The following MDGA2 variants were observed in gnomAD, a reference collection of about 807,000 sequenced individuals.
MDGA2 encodes MAM domain-containing glycosylphosphatidylinositol anchor protein 2.
MDGA2 carries 40 observed loss-of-function variants against 117.8 expected under a neutral mutation model. The observed-to-expected ratio is 0.34, with a 90% CI of 0.26 to 0.44. The LOEUF (loss-of-function observed/expected upper bound fraction) is 0.44, where lower values mean the gene tolerates loss of function less well. MDGA2 is among the 20% of genes least tolerant of loss of function. The pLI is 1.00. For missense variants in MDGA2, 1,123 were observed against 1,250.6 expected (o/e 0.90, Z 1.54); for synonymous variants, 452 against 439.0 (o/e 1.03, Z -0.37).
chr14:47,448,477 C>T (rs1166985569), intron 1 of MDGA2, among the ~76,000 whole-genome samples: 3 of 151,990 alleles, frequency 2.0e-5, no homozygotes, highest in Non-Finnish European at 4.4e-5. Flanking sequence ...CAATCAACAA[C>T]CTTTTAATAC....
At chr14:47,612,419 C>T (rs1254983960) in intron 1 of MDGA2, among the ~76,000 whole-genome samples, 3 of 152,006 alleles carry the variant, frequency 2.0e-5, no homozygotes, top group Non-Finnish European at 4.4e-5. Flanking sequence ...TCTAATACTT[C>T]AAAATGTTTT....
At chr14:47,096,797 G>T in intron 6 of MDGA2, 57 bp downstream of exon 6, 2 of 1,546,952 alleles carry the variant, frequency 1.3e-6, no homozygotes, top group African/African-American at 1.4e-5. Flanking sequence ...ACCATTATTT[G>T]CTTTTTGAGA....
chr14:47,361,135 G>T (rs868563074), intron 1 of MDGA2, among the ~76,000 whole-genome samples: 4 of 151,656 alleles, frequency 2.6e-5, no homozygotes, highest in Non-Finnish European at 4.4e-5. Context: ...TAATTTGCTT[G>T]CCAGTAGTAA....
rs1883342492 is a variant in MDGA2, at chr14:46,902,827, C to CA, written c.2238+17184dup. 2.0e-5 allele frequency among the ~76,000 whole-genome samples: 3 copies of CA among 152,154 alleles called. No individual in the cohort carries two copies. The South Asian group carries it at 6.2e-4, about 32-fold the overall frequency. On this transcript the variant is annotated intron_variant, in intron 10 of 16. Coordinates refer to ENST00000399232, the MANE Select transcript of MDGA2 (RefSeq NM_001113498.3). The stretch of plus-strand genomic sequence containing the variant: ...TCAAGATTTACACTACTTAATGTGA[C>CA]AATGCTTCATTTGCTATAATTTCTA...
chr14:47,350,117 C>G (rs1173838113), intron 1 of MDGA2, among the ~76,000 whole-genome samples: 1 of 152,192 alleles, frequency 6.6e-6, no homozygotes, highest in East Asian at 1.9e-4. Flanking sequence ...CAACGATGTT[C>G]TGGAAATCTT....
intron 1 of MDGA2, among the ~76,000 whole-genome samples, chr14:47,473,357 A>G (rs1363993224): frequency 6.6e-6 from 1 of 152,188 alleles, no homozygotes; most frequent in Non-Finnish European, 1.5e-5. Context: ...TACATAAACT[A>G]TAACAATACT....
intron 4 of MDGA2, among the ~76,000 whole-genome samples, chr14:47,142,827 T>C (rs1430123589): frequency 6.6e-6 from 1 of 152,186 alleles, no homozygotes; most frequent in Non-Finnish European, 1.5e-5. Context: ...TACTATGTTA[T>C]GGTGAACTGA....
intron 2 of MDGA2, among the ~76,000 whole-genome samples, chr14:47,261,815 A>G (rs1887805655): frequency 1.3e-5 from 2 of 152,144 alleles, no homozygotes. Flanking sequence ...ATGGAGATAA[A>G]TGAGTGTAAA....
At chr14:47,161,506 T>C (rs1387575884) in intron 3 of MDGA2, among the ~76,000 whole-genome samples, 1 of 151,812 alleles carries the variant, frequency 6.6e-6, no homozygotes, top group East Asian at 1.9e-4. Flanking sequence ...TGTAAGGTTA[T>C]ATATATATTT....
intron 10 of MDGA2, among the ~76,000 whole-genome samples, chr14:46,898,359 G>T (rs962821995): frequency 6.6e-6 from 1 of 151,934 alleles, no homozygotes; most frequent in Non-Finnish European, 1.5e-5. Flanking sequence ...AGAAATTATT[G>T]ATTAATTGGA....
At chr14:46,917,677 G>T (rs533169226) in intron 10 of MDGA2, among the ~76,000 whole-genome samples, 2 of 152,050 alleles carry the variant, frequency 1.3e-5, no homozygotes, top group Non-Finnish European at 2.9e-5. Context: ...TTTTCAAAAG[G>T]AACAATACAA....
At chr14:47,385,810 G>C (rs752861324) in intron 1 of MDGA2, among the ~76,000 whole-genome samples, 2 of 152,158 alleles carry the variant, frequency 1.3e-5, no homozygotes, top group Non-Finnish European at 2.9e-5. Context: ...AGGAAAGTCG[G>C]TGATGATAGC....
chr14:46,911,409 C>A (rs1482821109), intron 10 of MDGA2, among the ~76,000 whole-genome samples: 1 of 152,166 alleles, frequency 6.6e-6, no homozygotes, highest in Non-Finnish European at 1.5e-5. Flanking sequence ...TCATGTCAAA[C>A]ATTTATTATT....
chr14:47,091,737 A>C (rs1033417947), intron 6 of MDGA2, among the ~76,000 whole-genome samples: 1 of 145,956 alleles, frequency 6.9e-6, no homozygotes, highest in Non-Finnish European at 1.5e-5. Flanking sequence ...AGTTCTAGTC[A>C]ATAGACTGAC....
chr14:47,597,174 T>C (rs1453042505), intron 1 of MDGA2, among the ~76,000 whole-genome samples: 1 of 152,134 alleles, frequency 6.6e-6, no homozygotes, highest in Admixed American at 6.6e-5. Flanking sequence ...CCTTAAAGGT[T>C]AAATCTTCTG....
Position 47,598,805 on chromosome 14 carries a change from G to A in MDGA2, c.280+75712C>T, listed in dbSNP as rs534145345. On this transcript the variant is annotated intron_variant, in intron 1 of 16. Coordinates refer to ENST00000399232, the MANE Select transcript of MDGA2 (RefSeq NM_001113498.3). The stretch of plus-strand genomic sequence containing the variant: ...TTTAATGCCACTGAATCTGTATACT[G>A]ACAAAGAATTAAAATGATAAACAGT... 7.9e-5 allele frequency among the ~76,000 whole-genome samples: 12 copies of A among 152,218 alleles called. No homozygotes were observed. In the South Asian group the frequency reaches 2.5e-3, roughly 32 times the overall value.
At chr14:46,974,682 A>G (rs1886390837) in intron 8 of MDGA2, among the ~76,000 whole-genome samples, 1 of 152,170 alleles carries the variant, frequency 6.6e-6, no homozygotes, top group African/African-American at 2.4e-5. Flanking sequence ...CATGCAAAAG[A>G]ATTAAGTTAG....
intron 5 of MDGA2, among the ~76,000 whole-genome samples, chr14:47,124,127 C>T (rs1244244354): frequency 3.0e-4 from 46 of 152,022 alleles, no homozygotes; most frequent in Non-Finnish European, 2.5e-4. Context: ...CCCATATTTC[C>T]AATATTTTAG....
intron 3 of MDGA2, among the ~76,000 whole-genome samples, chr14:47,146,076 A>T (rs2139209759): frequency 6.6e-6 from 1 of 152,280 alleles, no homozygotes; most frequent in South Asian, 2.1e-4. Context: ...GCTACCCTGA[A>T]TATTTAAAAG....
Sources: allele counts gnomAD v4.1 joint callset (sites outside exome capture counted in the v4.1 genomes callset), GRCh38; gene constraint gnomAD v4.1.1; transcripts MANE v1.5; gene names NCBI Gene and HGNC (gene_info 2026-07-23, HGNC 2026-07-21).